The following KCNG3 variants were observed in gnomAD, a reference collection of about 807,000 sequenced individuals.
KCNG3 encodes the protein voltage-gated potassium channel regulatory subunit KCNG3.
Under a neutral mutation model 29.0 loss-of-function variants are expected in KCNG3, and 15 were observed. The ratio of observed to expected loss-of-function variants is 0.52; its 90% CI spans 0.35 to 0.80. The LOEUF is 0.80. KCNG3 is among the 30% of genes least tolerant of loss of function. The probability of loss-of-function intolerance (pLI) is 0.01; values close to 1 mark genes in which losing one functional copy is unlikely to be tolerated. For missense variants in KCNG3, 512 were observed against 605.7 expected, an observed-to-expected ratio of 0.85 and a Z score of 1.62; for synonymous variants, 322 against 248.9, an observed-to-expected ratio of 1.29 and a Z score of -2.76.
chr2:42,440,866 A>G (rs1010786165), downstream of KCNG3, among the ~76,000 whole-genome samples: 4 of 152,344 alleles, frequency 2.6e-5, no homozygotes, highest in East Asian at 1.9e-4. Context: ...AACAAGTTAC[A>G]TATTAGATCA....
intron 1 of KCNG3, among the ~76,000 whole-genome samples, chr2:42,447,597 C>T (rs1265341461): frequency 6.6e-6 from 1 of 152,074 alleles, no homozygotes; most frequent in African/African-American, 2.4e-5. Flanking sequence ...CTCACTGCAG[C>T]CTCAAATGCC....
chr2:42,415,963 T>A, the KCNG3 span, among the ~76,000 whole-genome samples: 1 of 151,866 alleles, frequency 6.6e-6, no homozygotes, highest in Non-Finnish European at 1.5e-5. Context: ...GGGAGGCCGA[T>A]GTGGGTGGAT....
chr2:42,426,377 A>C, the KCNG3 span, among the ~76,000 whole-genome samples: 25 of 152,362 alleles, frequency 1.6e-4, no homozygotes, highest in African/African-American at 5.8e-4. Context: ...CTTAAATCCC[A>C]AATGATAATA....
At chr2:42,429,487 T>A in the KCNG3 span, among the ~76,000 whole-genome samples, 70 of 152,220 alleles carry the variant, frequency 4.6e-4, 1 homozygote, top group Non-Finnish European at 1.3e-4. Flanking sequence ...TACTCTTGAG[T>A]ATACCAGACA....
chr2:42,451,784 T>C (rs1448176207), intron 1 of KCNG3, among the ~76,000 whole-genome samples: 1 of 151,426 alleles, frequency 6.6e-6, no homozygotes, highest in Non-Finnish European at 1.5e-5. Context: ...CCTGTAGTCC[T>C]AGCTACTTGG....
intron 1 of KCNG3, among the ~76,000 whole-genome samples, chr2:42,479,713 GA>G (rs1195755653): frequency 2.0e-5 from 3 of 150,626 alleles, no homozygotes; most frequent in Non-Finnish European, 4.4e-5. Flanking sequence ...AAGCATCTCT[GA>G]AATTAACACA....
At chr2:42,472,462 G>T (rs1673312592) in intron 1 of KCNG3, among the ~76,000 whole-genome samples, 1 of 151,720 alleles carries the variant, frequency 6.6e-6, no homozygotes, top group South Asian at 2.1e-4. Flanking sequence ...GAAAATGAAG[G>T]GATTTCAATG....
At chr2:42,463,682 T>C (rs1019833732) in intron 1 of KCNG3, 1 of 180,276 alleles carries the variant, frequency 5.5e-6, no homozygotes, top group African/African-American at 2.4e-5. Flanking sequence ...CCCCCCAGCA[T>C]TAGGTGACAA....
the KCNG3 span, among the ~76,000 whole-genome samples, chr2:42,389,170 A>G: frequency 1.3e-5 from 2 of 152,118 alleles, no homozygotes; most frequent in Non-Finnish European, 2.9e-5. Flanking sequence ...CTCCCCCTTC[A>G]GCCTCCCAAA....
chr2:42,477,200 A>AG lies in KCNG3; in HGVS notation c.665+15636_665+15637insC, dbSNP rs544195565. On this transcript the variant is annotated intron_variant, in intron 1 of 1. Coordinates refer to ENST00000306078, the MANE Select transcript of KCNG3 (RefSeq NM_133329.6). ...GAGCAAGACTCTGTTTCAAAAAAAA[A>AG]AAAGAAAAAAAAAAGTACTGATTAA... is the stretch of plus-strand genomic sequence containing the variant. Among the ~76,000 whole-genome samples, 151 of 150,982 alleles carry AG rather than the reference A, an allele frequency of 1.0e-3. 1 individual carries two copies. Among genetic ancestry groups the AG allele is most frequent in the African/African-American group, 3.5e-3 (146 of 41,200 alleles).
chr2:42,426,676 G>A, the KCNG3 span, among the ~76,000 whole-genome samples: 1 of 152,200 alleles, frequency 6.6e-6, no homozygotes, highest in Non-Finnish European at 1.5e-5. Context: ...GTCTTCACAT[G>A]TTGAAAATAC....
intron 1 of KCNG3, among the ~76,000 whole-genome samples, chr2:42,454,604 C>T (rs1053657349): frequency 1.2e-4 from 18 of 151,684 alleles, no homozygotes; most frequent in Non-Finnish European, 2.1e-4. Context: ...CCCAGCTACT[C>T]GGGAGGCTGA....
At chr2:42,402,904 CA>C in the KCNG3 span, among the ~76,000 whole-genome samples, 1 of 152,078 alleles carries the variant, frequency 6.6e-6, no homozygotes, top group African/African-American at 2.4e-5. Context: ...AAATGTTTGT[CA>C]AAGGGCTACC....
the KCNG3 span, among the ~76,000 whole-genome samples, chr2:42,406,627 C>G: frequency 6.6e-6 from 1 of 150,696 alleles, no homozygotes; most frequent in Non-Finnish European, 1.5e-5. Context: ...GAGTTCGAGA[C>G]CAGCCTGACC....
intron 1 of KCNG3, among the ~76,000 whole-genome samples, chr2:42,465,576 T>C (rs1287702889): frequency 1.3e-5 from 2 of 152,146 alleles, no homozygotes; most frequent in African/African-American, 4.8e-5. Flanking sequence ...GTAGGCAAAC[T>C]TTCTTACATA....
In KCNG3 at chr2:42,443,040, T is replaced by A. The variant is rs1195978222; in HGVS notation, c.*894A>T. The A allele has an allele frequency of 6.6e-6, 1 of 152,154 alleles. No individual in the cohort carries two copies. Among genetic ancestry groups the A allele is most frequent in the African/African-American group, 2.4e-5 (1 of 41,430 alleles). The allele number at this position is 152,154 out of a possible 1,614,324, so 9.4% of individuals were successfully genotyped here. A position where few individuals can be genotyped will look rare whatever the true frequency, so the allele number is the denominator to read the frequency against. ...TTCATCTGATAAGTCTTATTAAACC[T>A]CTAGTGTTTGGGGGAGGAGGTTAAG... On this transcript the variant is annotated 3_prime_UTR_variant, in exon 2 of 2. Coordinates refer to ENST00000306078, the MANE Select transcript of KCNG3 (RefSeq NM_133329.6).
At chr2:42,423,071 G>C in the KCNG3 span, among the ~76,000 whole-genome samples, 1 of 152,078 alleles carries the variant, frequency 6.6e-6, no homozygotes, top group Non-Finnish European at 1.5e-5. Context: ...GACCACTCTA[G>C]ACAGAACCTC....
At chr2:42,411,180 T>C in the KCNG3 span, among the ~76,000 whole-genome samples, 3 of 152,222 alleles carry the variant, frequency 2.0e-5, no homozygotes, top group Admixed American at 6.5e-5. Flanking sequence ...GTTTTCATTT[T>C]TGAGGGCTAA....
intron 1 of KCNG3, among the ~76,000 whole-genome samples, chr2:42,453,672 G>C (rs1204775899): frequency 6.6e-6 from 1 of 152,052 alleles, no homozygotes; most frequent in African/African-American, 2.4e-5. Flanking sequence ...TCTTCACTTT[G>C]TTGATTCTTT....
Sources: gnomAD v4.1 joint callset for allele counts (sites outside exome capture counted in the v4.1 genomes callset) on GRCh38, gnomAD v4.1.1 for gene constraint, MANE v1.5 for transcripts, NCBI Gene and HGNC (gene_info 2026-07-23, HGNC 2026-07-21) for gene names.